SEMA5B: variants seen among roughly 807,000 people sequenced by gnomAD.
The protein encoded by SEMA5B is semaphorin 5B.
Under a neutral mutation model 135.0 loss-of-function variants are expected in SEMA5B, and 66 were observed. The observed-to-expected ratio is 0.49, with a 90% CI of 0.40 to 0.60. The LOEUF (loss-of-function observed/expected upper bound fraction) is 0.60, where lower values mean the gene tolerates loss of function less well. Among genes scored for constraint, SEMA5B ranks in the 20% least tolerant of loss-of-function variants. The probability of loss-of-function intolerance (pLI) is 0.00; values close to 1 mark genes in which losing one functional copy is unlikely to be tolerated. For synonymous variants in SEMA5B, 690 were observed against 639.5 expected (o/e 1.08, Z -1.19); for missense variants, 1,501 against 1,566.3 (o/e 0.96, Z 0.70).
rs577649391 is a variant in SEMA5B, at chr3:123,015,640, G to A, written c.-39+11824C>T. 7.2e-5 allele frequency among the ~76,000 whole-genome samples: 11 copies of A among 152,308 alleles called. No homozygotes were observed. The South Asian group carries it at 2.3e-3, about 32-fold the overall frequency. On this transcript the variant is annotated intron_variant, in intron 1 of 22. Coordinates refer to ENST00000357599, the MANE Select transcript of SEMA5B (RefSeq NM_001031702.4). ...AGGGATGAACACCCAGCCACAGCGA[G>A]AAGAGATGGAACCCACAGGGAGAGA...
chr3:123,019,177 T>G (rs982399021), intron 1 of SEMA5B, among the ~76,000 whole-genome samples: 1 of 152,216 alleles, frequency 6.6e-6, no homozygotes, highest in South Asian at 2.1e-4. Context: ...GAAAAGCCTA[T>G]GTAGTGGTTA....
chr3:122,922,961 C>G (rs1354810088), intron 10 of SEMA5B, among the ~76,000 whole-genome samples: 1 of 152,170 alleles, frequency 6.6e-6, no homozygotes, highest in African/African-American at 2.4e-5. Context: ...ATCCCTAGTT[C>G]CAGATAAGGA....
intron 1 of SEMA5B, among the ~76,000 whole-genome samples, chr3:123,022,575 C>A (rs1386136079): frequency 6.6e-6 from 1 of 152,204 alleles, no homozygotes; most frequent in Non-Finnish European, 1.5e-5. Flanking sequence ...GAAGAGAGCT[C>A]AAGGTTAAAC....
At chr3:122,966,889 A>C (rs1408737996) in intron 1 of SEMA5B, among the ~76,000 whole-genome samples, 1 of 141,058 alleles carries the variant, frequency 7.1e-6, no homozygotes, top group Admixed American at 7.3e-5. Context: ...TATTATTATT[A>C]TTATTATTAT....
chr3:123,021,269 AG>A (rs1356628414), intron 1 of SEMA5B, among the ~76,000 whole-genome samples: 5 of 152,158 alleles, frequency 3.3e-5, no homozygotes, highest in Non-Finnish European at 7.4e-5. Context: ...ACCAACCAAC[AG>A]GGCAATGTGT....
At chr3:123,014,306 A>C (rs1942502304) in intron 1 of SEMA5B, among the ~76,000 whole-genome samples, 1 of 152,214 alleles carries the variant, frequency 6.6e-6, no homozygotes, top group African/African-American at 2.4e-5. Context: ...GGCAGCTGAG[A>C]TCACCAGTAG....
intron 2 of SEMA5B, among the ~76,000 whole-genome samples, chr3:122,953,450 AT>A (rs1940145353): frequency 6.6e-6 from 1 of 152,192 alleles, no homozygotes; most frequent in Non-Finnish European, 1.5e-5. Flanking sequence ...TTTTATGTAA[AT>A]ATGTCCTCCA....
chr3:122,965,703 C>T (rs570701172), intron 1 of SEMA5B, among the ~76,000 whole-genome samples: 14 of 152,176 alleles, frequency 9.2e-5, no homozygotes, highest in Non-Finnish European at 2.1e-4. Flanking sequence ...AAAAGCATTC[C>T]TAAGTGATAC....
chr3:123,000,594 A>G (rs1942144624), intron 1 of SEMA5B, among the ~76,000 whole-genome samples: 1 of 152,138 alleles, frequency 6.6e-6, no homozygotes, highest in African/African-American at 2.4e-5. Flanking sequence ...TCATCACCCC[A>G]GGGTGCAGGT....
chr3:122,977,032 A>G (rs1237829282), intron 1 of SEMA5B, among the ~76,000 whole-genome samples: 1 of 152,214 alleles, frequency 6.6e-6, no homozygotes, highest in African/African-American at 2.4e-5. Flanking sequence ...CCTGGGCAAC[A>G]GAGTGAGACT....
chr3:122,912,104 AGGGACCCC>A, intron 19 of SEMA5B, 35 bp from the exon 20 acceptor site: 1 of 1,596,464 alleles, frequency 6.3e-7, no homozygotes, highest in African/African-American at 1.3e-5. Context: ...TTAACTGCCC[AGGGACCCC>A]CTGGTGGGGA....
chr3:122,988,278 TCA>T lies in SEMA5B; in HGVS notation c.-38-26979_-38-26978del, dbSNP rs1941761974. Among the ~76,000 whole-genome samples, 3 of 152,204 alleles carry T rather than the reference TCA, an allele frequency of 2.0e-5. No individual in the cohort carries two copies. In the South Asian group the frequency reaches 6.2e-4, roughly 32 times the overall value. On this transcript the variant is annotated intron_variant, in intron 1 of 22. Coordinates refer to ENST00000357599, the MANE Select transcript of SEMA5B (RefSeq NM_001031702.4). ...GGGTTTTAATGGCAGAGCCAGGAAC[TCA>T]CAGCCAGGTTTCCTGAAAAGAAGGT... is the stretch of plus-strand genomic sequence containing the variant.
At chr3:122,920,541 C>T (rs1938295974) in intron 12 of SEMA5B, among the ~76,000 whole-genome samples, 1 of 152,212 alleles carries the variant, frequency 6.6e-6, no homozygotes, top group African/African-American at 2.4e-5. Context: ...TACCAGCTAC[C>T]TCTTGTGATT....
rs754141462 is a variant in SEMA5B, at chr3:122,974,290, C to T, written c.-38-12989G>A. ...ACTCCCATTGCCAGGTGAGCCCCCT[C>T]GCTCCTGCACACACACAGGTGAAAG... On this transcript the variant is annotated intron_variant, in intron 1 of 22. Transcript: ENST00000357599. Among the ~76,000 whole-genome samples the T allele has an allele frequency of 1.1e-4, 16 of 152,330 alleles. 1 individual carries two copies. The highest frequency in any genetic ancestry group is 4.1e-4 in the South Asian group (2 of 4,830).
intron 12 of SEMA5B, among the ~76,000 whole-genome samples, chr3:122,917,229 G>A (rs1007896225): frequency 1.3e-5 from 2 of 152,228 alleles, no homozygotes; most frequent in Admixed American, 6.5e-5. Context: ...CTGCTGAAGA[G>A]GGTCTGGAGA....
At chr3:122,955,725 C>T (rs999724844) in intron 2 of SEMA5B, among the ~76,000 whole-genome samples, 1 of 152,206 alleles carries the variant, frequency 6.6e-6, no homozygotes, top group Non-Finnish European at 1.5e-5. Flanking sequence ...TAGCTTCTTG[C>T]TTAGAGAGAC....
intron 1 of SEMA5B, among the ~76,000 whole-genome samples, chr3:122,966,717 G>A (rs1301323106): frequency 1.3e-5 from 2 of 150,416 alleles, no homozygotes; most frequent in Non-Finnish European, 3.0e-5. Flanking sequence ...ACCGCGCCCA[G>A]CTAATTTTTT....
Position 122,966,367 on chromosome 3 carries a change from GC to G in SEMA5B, c.-38-5067del, listed in dbSNP as rs200271093. Among the ~76,000 whole-genome samples, 1,031 of 152,210 alleles carry G rather than the reference GC, an allele frequency of 6.8e-3. 18 individuals are homozygous for G. The highest frequency in any genetic ancestry group is 0.023 in the African/African-American group (938 of 41,516). On this transcript the variant is annotated intron_variant, in intron 1 of 22. Coordinates refer to ENST00000357599, the MANE Select transcript of SEMA5B (RefSeq NM_001031702.4). ...GACTTAAAGAGTTGCTCAGAGAAGAGCCCCTCCTAAAAAGAATAGTCCCAGA... is the reference window on the plus strand; with the variant it reads ...GACTTAAAGAGTTGCTCAGAGAAGAGCCCTCCTAAAAAGAATAGTCCCAGA...
chr3:122,961,082 G>A (rs1940553146), intron 2 of SEMA5B, 58 bp downstream of exon 2: 3 of 1,510,580 alleles, frequency 2.0e-6, no homozygotes, highest in Non-Finnish European at 2.7e-6. Context: ...TCTTCTCCCT[G>A]CTCTCCCCTC....
Sources: allele counts gnomAD v4.1 joint callset (sites outside exome capture counted in the v4.1 genomes callset), GRCh38; gene constraint gnomAD v4.1.1; transcripts MANE v1.5; gene names NCBI Gene and HGNC (gene_info 2026-07-23, HGNC 2026-07-21).